Variants in JPH3 observed in about 807,000 individuals in gnomAD.
JPH3 encodes junctophilin-3.
A neutral mutation model predicts 59.6 loss-of-function variants in JPH3; 11 were observed. The observed-to-expected ratio is 0.18, with a 90% confidence interval of 0.12 to 0.31. The LOEUF (loss-of-function observed/expected upper bound fraction) is 0.31, where lower values mean the gene tolerates loss of function less well. JPH3 is among the 10% of genes least tolerant of loss of function. The pLI, the probability that JPH3 is intolerant of heterozygous loss-of-function variation, is 1.00. For missense variants in JPH3, 1,202 were observed against 1,105.7 expected (o/e 1.09, Z -1.24); for synonymous variants, 673 against 483.6 (o/e 1.39, Z -5.14).
intron 1 of JPH3, among the ~76,000 whole-genome samples, chr16:87,640,965 C>T (rs141772384): frequency 3.9e-5 from 6 of 152,198 alleles, no homozygotes; most frequent in African/African-American, 7.2e-5. Context: ...TGAGACCCAC[C>T]GAGCCTAGTT....
At chr16:87,630,393 T>A (rs1462873275) in intron 1 of JPH3, among the ~76,000 whole-genome samples, 2 of 152,160 alleles carry the variant, frequency 1.3e-5, no homozygotes, top group Non-Finnish European at 2.9e-5. Context: ...CCCTCTCCCC[T>A]TGTCCTTCTG....
In JPH3 at chr16:87,636,451, G is replaced by A. The variant is rs184259095; in HGVS notation, c.383-7807G>A. On this transcript the variant is annotated intron_variant, in intron 1 of 4. Transcript: ENST00000284262. ...CAATAGCTCCGTCACAGTGGCTGTC[G>A]CTTTATTGAGCAACCGAGGGAGCGA... Among the ~76,000 whole-genome samples, 298 of 152,320 alleles carry A rather than the reference G, an allele frequency of 2.0e-3. 1 individual carries two copies. Among genetic ancestry groups the A allele is most frequent in the African/African-American group, 6.6e-3 (276 of 41,568 alleles).
At chr16:87,640,065 G>T (rs1009582995) in intron 1 of JPH3, among the ~76,000 whole-genome samples, 7 of 152,144 alleles carry the variant, frequency 4.6e-5, no homozygotes, top group Admixed American at 6.5e-5. Context: ...GCTGAGGGGG[G>T]GCCCAATTTA....
intron 2 of JPH3, among the ~76,000 whole-genome samples, chr16:87,661,586 G>A (rs1256773639): frequency 6.6e-6 from 1 of 152,242 alleles, no homozygotes; most frequent in African/African-American, 2.4e-5. Flanking sequence ...TGAAACAGCC[G>A]AGGGTCTGAC....
intron 1 of JPH3, among the ~76,000 whole-genome samples, chr16:87,608,549 A>T (rs2030613109): frequency 6.6e-6 from 1 of 152,152 alleles, no homozygotes; most frequent in Non-Finnish European, 1.5e-5. Flanking sequence ...GCTGTCTTCC[A>T]AGTCTGGAGA....
chr16:87,663,408 A>G (rs1490531081), intron 2 of JPH3, among the ~76,000 whole-genome samples: 1 of 150,786 alleles, frequency 6.6e-6, no homozygotes, highest in East Asian at 1.9e-4. Flanking sequence ...GTGCCTGGCC[A>G]AGGTTAATTT....
intron 1 of JPH3, among the ~76,000 whole-genome samples, chr16:87,635,866 GCACCGA>G (rs2031725056): frequency 6.6e-6 from 1 of 152,212 alleles, no homozygotes; most frequent in Admixed American, 6.5e-5. Context: ...TGCGGAGGCA[GCACCGA>G]CATCCACTGC....
In JPH3 at chr16:87,667,962, A is replaced by C. The variant is rs192090549; in HGVS notation, c.1161-16180A>C. Among the ~76,000 whole-genome samples, 16 of 151,576 alleles carry C rather than the reference A, an allele frequency of 1.1e-4. No individual in the cohort carries two copies. In the East Asian group the frequency reaches 2.9e-3, roughly 28 times the overall value. ...TGCCCTTGGTGGACACTCTGATTCC[A>C]CCTGCAAATCCTGAGCGCACACCGG... is the stretch of plus-strand genomic sequence containing the variant. On this transcript the variant is annotated intron_variant, in intron 2 of 4. Coordinates refer to ENST00000284262, the MANE Select transcript of JPH3 (RefSeq NM_020655.4).
Position 87,649,626 on chromosome 16 carries a change from C to T in JPH3, c.1160+4591C>T, listed in dbSNP as rs868118401. 2.3e-4 allele frequency among the ~76,000 whole-genome samples: 35 copies of T among 152,338 alleles called. No individual in the cohort carries two copies. In the Middle Eastern group the frequency reaches 0.01, roughly 44 times the overall value. On this transcript the variant is annotated intron_variant, in intron 2 of 4. Transcript: ENST00000284262. ...TGAGACCCTCTGCCACAACAACTCT[C>T]ACAGCCCCCTCATCCCCACCCGCCG...
At chr16:87,639,111 G>A (rs2031854080) in intron 1 of JPH3, among the ~76,000 whole-genome samples, 1 of 152,180 alleles carries the variant, frequency 6.6e-6, no homozygotes, top group Admixed American at 6.5e-5. Context: ...GGGAAGAGAG[G>A]TGCAGGGCTT....
At chr16:87,622,698 G>T (rs2031232244) in intron 1 of JPH3, among the ~76,000 whole-genome samples, 1 of 151,998 alleles carries the variant, frequency 6.6e-6, no homozygotes, top group African/African-American at 2.4e-5. Context: ...GGGTCTGGGG[G>T]AGCCCCAGAG....
At chr16:87,660,959 A>C (rs1400912955) in intron 2 of JPH3, among the ~76,000 whole-genome samples, 2 of 152,208 alleles carry the variant, frequency 1.3e-5, no homozygotes, top group African/African-American at 4.8e-5. Flanking sequence ...ATCTGAAATG[A>C]CTGGGATCAG....
Position 87,614,983 on chromosome 16 carries a change from C to T in JPH3, c.382+11455C>T, listed in dbSNP as rs1224221193. 4.8e-5 allele frequency among the ~76,000 whole-genome samples: 5 copies of T among 104,032 alleles called. No homozygotes were observed. In the East Asian group the frequency reaches 9.4e-4, roughly 20 times the overall value. 68.2% of individuals were successfully genotyped at this position (104,032 alleles called of 152,430 possible). On this transcript the variant is annotated intron_variant, in intron 1 of 4. Transcript: ENST00000284262. Reference sequence around the variant, plus strand: ...GTCCCTGCACACACGAGGAGCCGCGCGTCCCCTCCCGGGATAAACGCTGGT... The same window carrying T: ...GTCCCTGCACACACGAGGAGCCGCGTGTCCCCTCCCGGGATAAACGCTGGT...
At position 87,676,397 on chromosome 16, in the gene JPH3, G is replaced by A. The variant is rs551293207; in HGVS notation, c.1161-7745G>A. Among the ~76,000 whole-genome samples the A allele has an allele frequency of 4.9e-4, 74 of 152,130 alleles. 1 individual carries two copies. The Middle Eastern group carries it at 0.01, about 21-fold the overall frequency. On this transcript the variant is annotated intron_variant, in intron 2 of 4. Transcript: ENST00000284262. The stretch of plus-strand genomic sequence containing the variant: ...ACTTCAGACTCTTCTTCAGGTTTAC[G>A]GTATATAAATATATCATTTACGGTA...
chr16:87,691,744 C>A (rs2033585329), intron 4 of JPH3, among the ~76,000 whole-genome samples: 1 of 152,086 alleles, frequency 6.6e-6, no homozygotes, highest in Non-Finnish European at 1.5e-5. Flanking sequence ...CCTCCCCGTT[C>A]CCCAAAGCCC....
chr16:87,603,559 C>A lies in JPH3; in HGVS notation c.382+31C>A. The A allele has an allele frequency of 2.0e-6, 3 of 1,536,058 alleles. No individual in the cohort carries two copies. In the South Asian group the frequency reaches 3.7e-5, roughly 19 times the overall value. On this transcript the variant is annotated intron_variant, in intron 1 of 4. Transcript: ENST00000284262. ...TGCCGCGGGCCGGGCCGGGCCGGGG[C>A]GGGAGGGACGTGCTTCCGATCGCGC...
chr16:87,674,060 C>G (rs928846957), intron 2 of JPH3, among the ~76,000 whole-genome samples: 4 of 150,966 alleles, frequency 2.6e-5, no homozygotes, highest in African/African-American at 9.7e-5. Context: ...ACAGGCCAGG[C>G]GCAGTGGCTC....
intron 3 of JPH3, among the ~76,000 whole-genome samples, chr16:87,688,047 C>T (rs924102455): frequency 1.1e-4 from 17 of 152,162 alleles, no homozygotes; most frequent in Admixed American, 9.8e-4. Context: ...TGGGGCTGGG[C>T]GTCAGGTGGG....
intron 1 of JPH3, among the ~76,000 whole-genome samples, chr16:87,621,385 G>A (rs1567585368): frequency 3.3e-5 from 5 of 152,334 alleles, no homozygotes; most frequent in South Asian, 2.1e-4. Flanking sequence ...TGGGATCCGC[G>A]GCTGCGCAAG....
Sources: allele counts gnomAD v4.1 joint callset (sites outside exome capture counted in the v4.1 genomes callset), GRCh38; gene constraint gnomAD v4.1.1; transcripts MANE v1.5; gene names NCBI Gene and HGNC (gene_info 2026-07-23, HGNC 2026-07-21).